PLCB4: variants seen among roughly 807,000 people sequenced by gnomAD.
PLCB4 encodes phospholipase C beta 4, also known as 1-phosphatidylinositol 4,5-bisphosphate phosphodiesterase beta-4.
A neutral mutation model predicts 178.8 loss-of-function variants in PLCB4; 77 were observed. The observed-to-expected ratio is 0.43, with a 90% CI of 0.36 to 0.52. The LOEUF (loss-of-function observed/expected upper bound fraction) is 0.52. Ranked by LOEUF, PLCB4 falls within the 20% of genes least tolerant of loss-of-function variation. PLCB4 has a pLI of 0.00. For synonymous variants in PLCB4, 496 were observed against 490.8 expected (o/e 1.01, Z -0.14); for missense variants, 1,024 against 1,453.4 (o/e 0.70, Z 4.80).
chr20:9,085,393 C>A (rs6086766), intron 1 of PLCB4, among the ~76,000 whole-genome samples: 5 of 151,902 alleles, frequency 3.3e-5, no homozygotes, highest in African/African-American at 1.2e-4. Context: ...TTAAATCAGA[C>A]ATGTACTGTA....
In PLCB4 at chr20:9,098,723, GTGTATATATATACATATA is replaced by G; in HGVS notation, c.-79+2385_-79+2402del. On this transcript the variant is annotated intron_variant, in intron 2 of 39. Coordinates refer to ENST00000378473, the MANE Select transcript of PLCB4 (RefSeq NM_001377142.1). ...TACATATATACATATATACGTGTGT[GTGTATATATATACATATA>G]TGTGTGTGTGTGTGTGTGTGTGTAT... Among the ~76,000 whole-genome samples the G allele has an allele frequency of 2.4e-5, 3 of 127,546 alleles. No homozygotes were observed. The South Asian group carries it at 8.5e-4, about 36-fold the overall frequency. 83.7% of individuals were successfully genotyped at this position (127,546 alleles called of 152,430 possible).
intron 3 of PLCB4, among the ~76,000 whole-genome samples, chr20:9,238,361 C>T (rs967361001): frequency 6.6e-6 from 1 of 152,290 alleles, no homozygotes; most frequent in Non-Finnish European, 1.5e-5. Context: ...TCAGTGGGTG[C>T]AGGCTGCTGC....
At chr20:9,302,028 C>T (rs1167717019) in intron 3 of PLCB4, among the ~76,000 whole-genome samples, 1 of 152,080 alleles carries the variant, frequency 6.6e-6, no homozygotes, top group African/African-American at 2.4e-5. Context: ...TGGATCCTTT[C>T]CTGTGGGCTC....
chr20:9,166,567 C>T (rs2092975590), intron 2 of PLCB4: 1 of 152,158 alleles, frequency 6.6e-6, no homozygotes, highest in African/African-American at 2.4e-5. Context: ...CCTGCCCCTT[C>T]CCATTCTGGA....
intron 3 of PLCB4, among the ~76,000 whole-genome samples, chr20:9,288,548 G>A (rs1283804465): frequency 6.6e-6 from 1 of 151,966 alleles, no homozygotes; most frequent in African/African-American, 2.4e-5. Context: ...ATACTGGAGG[G>A]AGCACTGGTG....
chr20:9,444,289 C>A, intron 32 of PLCB4, 46 bp downstream of exon 32: 4 of 1,143,444 alleles, frequency 3.5e-6, no homozygotes, highest in South Asian at 2.6e-5. Context: ...ATGGATGAAT[C>A]ATTTGTAGCC....
chr20:9,386,273 A>G (rs1205633997), intron 14 of PLCB4, among the ~76,000 whole-genome samples: 1 of 151,666 alleles, frequency 6.6e-6, no homozygotes, highest in Non-Finnish European at 1.5e-5. Context: ...GGAGGGGGAG[A>G]GGGAGAGGGA....
chr20:9,117,719 T>C (rs1193449912), intron 2 of PLCB4, among the ~76,000 whole-genome samples: 1 of 152,182 alleles, frequency 6.6e-6, no homozygotes, highest in Non-Finnish European at 1.5e-5. Context: ...TTGCTGTTGC[T>C]GAAACTTGCT....
chr20:9,458,119 A>G (rs1222162948), intron 34 of PLCB4, among the ~76,000 whole-genome samples: 1 of 152,172 alleles, frequency 6.6e-6, no homozygotes, highest in Non-Finnish European at 1.5e-5. Context: ...AAAACCAACA[A>G]CAACTGTTAA....
chr20:9,415,788 G>A (rs2040200533), intron 25 of PLCB4, among the ~76,000 whole-genome samples: 1 of 152,186 alleles, frequency 6.6e-6, no homozygotes, highest in East Asian at 1.9e-4. Flanking sequence ...ATTAAACCAA[G>A]CATGGGGCCC....
intron 3 of PLCB4, among the ~76,000 whole-genome samples, chr20:9,247,175 T>C (rs961309576): frequency 1.3e-5 from 2 of 152,194 alleles, no homozygotes; most frequent in African/African-American, 2.4e-5. Context: ...CCAATGCCCA[T>C]AATTGAAGAA....
At chr20:9,439,313 G>A (rs1335927168) in intron 30 of PLCB4, among the ~76,000 whole-genome samples, 1 of 152,294 alleles carries the variant, frequency 6.6e-6, no homozygotes, top group East Asian at 1.9e-4. Context: ...TTATCCTGAA[G>A]CCTGAGCAGG....
At chr20:9,358,653 G>C (rs2035046514) in intron 7 of PLCB4, among the ~76,000 whole-genome samples, 1 of 152,110 alleles carries the variant, frequency 6.6e-6, no homozygotes, top group Admixed American at 6.5e-5. Context: ...CCAGCACTTT[G>C]GGAGGCCAAG....
intron 3 of PLCB4, among the ~76,000 whole-genome samples, chr20:9,220,328 A>C (rs1418576068): frequency 6.6e-6 from 1 of 152,174 alleles, no homozygotes; most frequent in Non-Finnish European, 1.5e-5. Context: ...CTTCCTTTTA[A>C]ATTGTTTTAA....
chr20:9,373,237 T>TTTACCAGGTGCAAAAATCAGCTGC, intron 12 of PLCB4, 133 bp downstream of exon 12: 1 of 533,924 alleles, frequency 1.9e-6, no homozygotes, highest in Non-Finnish European at 3.4e-6. Context: ...CCATTATGGC[T>TTTACCAGGTGCAAAAATCAGCTGC]TTACCAGGTG....
Position 9,408,039 on chromosome 20 carries a change from A to G in PLCB4, c.1770A>G (p.Gln590=). ...MINYAQPVKF[Q]GFHVAEERNI... The stretch of plus-strand genomic sequence containing the variant: ...ACTACGCCCAGCCTGTAAAGTTTCA[A>G]GGTTTCCATGTGGCAGAAGGTAACA... The change falls in exon 22 of 40, where the codon CAA becomes CAG. Residue 590 remains glutamine, a synonymous_variant. Coordinates refer to ENST00000378473, the MANE Select transcript of PLCB4 (RefSeq NM_001377142.1). The G allele has an allele frequency of 6.2e-7, 1 of 1,613,354 alleles. No homozygotes were observed. The highest frequency in any genetic ancestry group is 1.3e-5 in the African/African-American group (1 of 74,992).
chr20:9,402,837 C>T lies in PLCB4; in HGVS notation c.1611+1247C>T, dbSNP rs534184085. Among the ~76,000 whole-genome samples, 39 of 152,148 alleles carry T rather than the reference C, an allele frequency of 2.6e-4. No homozygotes were observed. In the East Asian group the frequency reaches 4.8e-3, roughly 19 times the overall value. ...TACCATTTACTGGCATGGGGAAGACCGAAAGAGAAAGAATTCAGGAGTTTC... is the reference window on the plus strand; with the variant it reads ...TACCATTTACTGGCATGGGGAAGACTGAAAGAGAAAGAATTCAGGAGTTTC... On this transcript the variant is annotated intron_variant, in intron 20 of 39. Transcript: ENST00000378473.
chr20:9,373,032 T>A lies in PLCB4; in HGVS notation c.687-15T>A, dbSNP rs369826505. 3.8e-6 allele frequency: 5 copies of A among 1,299,872 alleles called. No homozygotes were observed. The African/African-American group carries it at 7.3e-5, about 19-fold the overall frequency. 80.5% of individuals were successfully genotyped at this position (1,299,872 alleles called of 1,614,324 possible). ...ATATACAAAAACTTACTTTTTCTAA[T>A]AAATTTCTTTTCAGCAATGGAGACA... is the stretch of plus-strand genomic sequence containing the variant. On this transcript the variant is annotated splice_polypyrimidine_tract_variant and intron_variant, in intron 11 of 39. Coordinates refer to ENST00000378473, the MANE Select transcript of PLCB4 (RefSeq NM_001377142.1).
chr20:9,279,163 C>T (rs867206), intron 3 of PLCB4, among the ~76,000 whole-genome samples: 4,755 of 152,140 alleles, frequency 0.031, 219 homozygotes, highest in African/African-American at 0.1. Context: ...GGACAGATTA[C>T]AAAGTTAAAC....
Sources: gnomAD v4.1 joint callset for allele counts (sites outside exome capture counted in the v4.1 genomes callset) on GRCh38, gnomAD v4.1.1 for gene constraint, MANE v1.5 for transcripts, NCBI Gene and HGNC (gene_info 2026-07-23, HGNC 2026-07-21) for gene names.